ST6GALNAC3: variants seen among roughly 807,000 people sequenced by gnomAD.
ST6GALNAC3 encodes the protein alpha-N-acetylgalactosaminide alpha-2,6-sialyltransferase 3.
ST6GALNAC3 carries 25 observed loss-of-function variants against 32.7 expected under a neutral mutation model. The observed-to-expected ratio is 0.76, with a 90% confidence interval of 0.56 to 1.07. The LOEUF (loss-of-function observed/expected upper bound fraction) is 1.07. ST6GALNAC3 is among the 50% of genes least tolerant of loss of function. The probability of loss-of-function intolerance (pLI) is 0.00; values close to 1 mark genes in which losing one functional copy is unlikely to be tolerated. For synonymous variants in ST6GALNAC3, 129 were observed against 133.1 expected, an observed-to-expected ratio of 0.97 and a Z score of 0.21; for missense variants, 355 against 382.4, an observed-to-expected ratio of 0.93 and a Z score of 0.60.
rs1189389551 is a variant in ST6GALNAC3, at chr1:76,518,910, C to CA, written c.623+106500dup. Among the ~76,000 whole-genome samples the CA allele has an allele frequency of 3.3e-5, 5 of 151,810 alleles. No homozygotes were observed. In the East Asian group the frequency reaches 5.8e-4, roughly 18 times the overall value. On this transcript the variant is annotated intron_variant, in intron 3 of 4. Transcript: ENST00000328299. ...TGAAACCCTGTCTCTACTAAAAATA[C>CA]AAAAAAATTAGCCAAGCATTGTGAT...
At chr1:76,286,600 C>A (rs1295468175) in intron 1 of ST6GALNAC3, among the ~76,000 whole-genome samples, 1 of 152,250 alleles carries the variant, frequency 6.6e-6, no homozygotes, top group Admixed American at 6.5e-5. Context: ...TGACCTTGGG[C>A]AACCTTCTTC....
chr1:76,107,069 C>T (rs1647580669), intron 1 of ST6GALNAC3, among the ~76,000 whole-genome samples: 1 of 152,184 alleles, frequency 6.6e-6, no homozygotes, highest in African/African-American at 2.4e-5. Context: ...AGGCTTCATT[C>T]AGGGTCTTCA....
rs773162589 is a variant in ST6GALNAC3, at chr1:76,628,796, C to T, written c.908C>T (p.Thr303Ile). 1.2e-6 allele frequency: 2 copies of T among 1,610,966 alleles called. No individual in the cohort carries two copies. The highest frequency in any genetic ancestry group is 1.7e-6 in the Non-Finnish European group (2 of 1,178,408). The stretch of plus-strand genomic sequence containing the variant: ...ATAATATTTACACATCCAAACTGGA[C>T]ATTGTCTTGATAATGGTTTTCCTGA... ...HRIIFTHPNW[T>I]LS Residue 303 changes from threonine to isoleucine, a missense_variant, in exon 5 of 5, where the codon ACA becomes ATA. Coordinates refer to ENST00000328299, the MANE Select transcript of ST6GALNAC3 (RefSeq NM_152996.4).
At chr1:76,562,259 A>T (rs1665285206) in intron 3 of ST6GALNAC3, among the ~76,000 whole-genome samples, 1 of 152,230 alleles carries the variant, frequency 6.6e-6, no homozygotes, top group Admixed American at 6.5e-5. Context: ...TGTGAGTTTT[A>T]TCAAAATAAA....
chr1:76,253,868 C>A, intron 1 of ST6GALNAC3, among the ~76,000 whole-genome samples: 1 of 152,086 alleles, frequency 6.6e-6, no homozygotes, highest in East Asian at 1.9e-4. Flanking sequence ...TGCCTCACAT[C>A]TTCCAGTGAG....
chr1:76,278,343 T>C (rs761162839), intron 1 of ST6GALNAC3, among the ~76,000 whole-genome samples: 2 of 151,268 alleles, frequency 1.3e-5, no homozygotes, highest in Non-Finnish European at 2.9e-5. Context: ...TGCCTCAGCC[T>C]CCCGAGTAGC....
At chr1:76,475,321 A>G (rs1659282455) in intron 3 of ST6GALNAC3, among the ~76,000 whole-genome samples, 2 of 152,182 alleles carry the variant, frequency 1.3e-5, no homozygotes, top group African/African-American at 4.8e-5. Flanking sequence ...CCTGGATACA[A>G]TATCAACTCC....
intron 3 of ST6GALNAC3, among the ~76,000 whole-genome samples, chr1:76,621,812 C>A (rs1049083420): frequency 1.3e-5 from 2 of 152,014 alleles, no homozygotes; most frequent in Non-Finnish European, 2.9e-5. Context: ...TCAGGTATTT[C>A]TTCTCCGTAG....
At chr1:76,499,889 C>T (rs564619146) in intron 3 of ST6GALNAC3, among the ~76,000 whole-genome samples, 8 of 152,010 alleles carry the variant, frequency 5.3e-5, no homozygotes, top group Admixed American at 2.0e-4. Flanking sequence ...TGTAAATAGC[C>T]GTAAATAGAC....
intron 1 of ST6GALNAC3, among the ~76,000 whole-genome samples, chr1:76,253,088 G>A (rs1657713617): frequency 6.6e-6 from 1 of 151,990 alleles, no homozygotes; most frequent in African/African-American, 2.4e-5. Flanking sequence ...TTATCAACCA[G>A]TATTTTCATA....
Position 76,412,434 on chromosome 1 carries a change from G to T in ST6GALNAC3, c.623+17G>T, listed in dbSNP as rs907698267. 6.4e-7 allele frequency: 1 copy of T among 1,570,938 alleles called. No individual in the cohort carries two copies. The highest frequency in any genetic ancestry group is 8.6e-7 in the Non-Finnish European group (1 of 1,160,926). On this transcript the variant is annotated intron_variant, in intron 3 of 4. Transcript: ENST00000328299. Reference sequence around the variant, plus strand: ...GAAGGACAGGTGAGCCCTCTCTGAAGCAGCTTTATTGTCTTTTATTATCTT... The same window carrying T: ...GAAGGACAGGTGAGCCCTCTCTGAATCAGCTTTATTGTCTTTTATTATCTT...
chr1:76,378,061 AAAAAG>A (rs1376487456), intron 2 of ST6GALNAC3, among the ~76,000 whole-genome samples: 1 of 152,210 alleles, frequency 6.6e-6, no homozygotes, highest in Non-Finnish European at 1.5e-5. Flanking sequence ...TGCTTGAAGT[AAAAAG>A]AGCTTACTCC....
At chr1:76,164,850 T>C (rs1652024592) in intron 1 of ST6GALNAC3, among the ~76,000 whole-genome samples, 1 of 152,056 alleles carries the variant, frequency 6.6e-6, no homozygotes, top group African/African-American at 2.4e-5. Flanking sequence ...GATTGAAAAA[T>C]GTAGGCATCT....
chr1:76,095,031 G>A (rs1013299234), intron 1 of ST6GALNAC3, among the ~76,000 whole-genome samples: 5 of 151,990 alleles, frequency 3.3e-5, no homozygotes, highest in Non-Finnish European at 7.4e-5. Flanking sequence ...TACCTATTAG[G>A]TGATACGATA....
intron 1 of ST6GALNAC3, among the ~76,000 whole-genome samples, chr1:76,249,151 A>G (rs1221658841): frequency 6.6e-6 from 1 of 152,202 alleles, no homozygotes; most frequent in Non-Finnish European, 1.5e-5. Context: ...ATGCAGTTCA[A>G]TGGGTTTTAA....
intron 2 of ST6GALNAC3, among the ~76,000 whole-genome samples, chr1:76,332,421 A>G (rs545727380): frequency 1.3e-5 from 2 of 152,306 alleles, no homozygotes; most frequent in South Asian, 4.1e-4. Flanking sequence ...TGTGAGATTG[A>G]TTTTCCTATG....
At chr1:76,541,527 G>T (rs945064753) in intron 3 of ST6GALNAC3, among the ~76,000 whole-genome samples, 1 of 152,196 alleles carries the variant, frequency 6.6e-6, no homozygotes, top group African/African-American at 2.4e-5. Context: ...TTTAATTTGA[G>T]ATATAAATAT....
chr1:76,228,571 A>T (rs1429004169), intron 1 of ST6GALNAC3, among the ~76,000 whole-genome samples: 2 of 152,178 alleles, frequency 1.3e-5, no homozygotes, highest in Admixed American at 6.5e-5. Flanking sequence ...GTCAAACCAC[A>T]GCAGCACATT....
intron 3 of ST6GALNAC3, among the ~76,000 whole-genome samples, chr1:76,610,198 A>G (rs138726187): frequency 4.4e-4 from 67 of 152,344 alleles, no homozygotes; most frequent in African/African-American, 1.6e-3. Context: ...AAATAGCCAA[A>G]AGAGAAATGA....
Sources: allele counts gnomAD v4.1 joint callset (sites outside exome capture counted in the v4.1 genomes callset), GRCh38; gene constraint gnomAD v4.1.1; transcripts MANE v1.5; gene names NCBI Gene and HGNC (gene_info 2026-07-23, HGNC 2026-07-21).